The following C11orf65 variants were observed in gnomAD, a reference collection of about 807,000 sequenced individuals.
The protein encoded by C11orf65 is protein MFI.
A neutral mutation model predicts 35.3 loss-of-function variants in C11orf65; 38 were observed. The ratio of observed to expected loss-of-function variants is 1.08; its 90% CI spans 0.83 to 1.41. The LOEUF (loss-of-function observed/expected upper bound fraction) is 1.41, where lower values mean the gene tolerates loss of function less well. C11orf65 is among the 40% of genes most tolerant of loss of function. The probability of loss-of-function intolerance (pLI) is 0.00; values close to 1 mark genes in which losing one functional copy is unlikely to be tolerated. For missense variants in C11orf65, 370 were observed against 367.1 expected (o/e 1.01, Z -0.06); for synonymous variants, 105 against 114.4 (o/e 0.92, Z 0.53).
Position 108,398,124 on chromosome 11 carries a change from A to T in C11orf65, c.561-4746T>A, listed in dbSNP as rs185835121. 8.5e-5 allele frequency among the ~76,000 whole-genome samples: 13 copies of T among 152,066 alleles called. No homozygotes were observed. In the East Asian group the frequency reaches 2.5e-3, roughly 29 times the overall value. On this transcript the variant is annotated intron_variant, in intron 6 of 8. Coordinates refer to ENST00000393084, the MANE Select transcript of C11orf65 (RefSeq NM_152587.5). ...GAGGTGTAGGTAACGGGGAGCCCTT[A>T]ACATATTTTAAGTAAAGAAATTATT...
chr11:108,451,094 G>C (rs2093341795), intron 2 of C11orf65, among the ~76,000 whole-genome samples: 1 of 151,892 alleles, frequency 6.6e-6, no homozygotes, highest in Non-Finnish European at 1.5e-5. Context: ...TTGAAAACTG[G>C]CACAAGACAG....
chr11:108,455,451 G>A (rs1249541678), intron 2 of C11orf65, among the ~76,000 whole-genome samples: 1 of 152,060 alleles, frequency 6.6e-6, no homozygotes, highest in Non-Finnish European at 1.5e-5. Context: ...AAGATAGAAA[G>A]TTCACAAAGG....
intron 6 of C11orf65, among the ~76,000 whole-genome samples, chr11:108,311,138 T>A (rs1461569440): frequency 1.3e-5 from 2 of 152,056 alleles, no homozygotes; most frequent in African/African-American, 4.8e-5. Flanking sequence ...AACTCATTTT[T>A]TTTAATTTTT....
At chr11:108,352,646 C>A (rs928760894) in intron 2 of C11orf65, among the ~76,000 whole-genome samples, 1 of 152,202 alleles carries the variant, frequency 6.6e-6, no homozygotes, top group African/African-American at 2.4e-5. Flanking sequence ...TAGCCAAGAA[C>A]CGGAAAAATC....
intron 6 of C11orf65, 146 bp downstream of exon 6, chr11:108,405,283 C>A (rs997140190): frequency 1.3e-5 from 9 of 706,760 alleles, no homozygotes; most frequent in Middle Eastern, 3.9e-4. Flanking sequence ...TGTCAGTGTG[C>A]GTTTTATTCA....
At chr11:108,318,781 C>T (rs1292003109) in intron 6 of C11orf65, among the ~76,000 whole-genome samples, 1 of 151,994 alleles carries the variant, frequency 6.6e-6, no homozygotes. Flanking sequence ...AAGCCAAGCA[C>T]CTAATCTAAT....
intron 2 of C11orf65, chr11:108,355,332 C>T (rs2089766440): frequency 5.1e-6 from 1 of 195,512 alleles, no homozygotes; most frequent in African/African-American, 2.4e-5. Flanking sequence ...TAGTTTACTG[C>T]TGGTGCTACC....
At chr11:108,442,629 A>G (rs971493813) in intron 2 of C11orf65, among the ~76,000 whole-genome samples, 6 of 152,198 alleles carry the variant, frequency 3.9e-5, no homozygotes, top group Non-Finnish European at 7.3e-5. Context: ...CGGATCTCTC[A>G]GCAGAAACTC....
rs1591128179 is a variant in C11orf65, at chr11:108,325,301, G to A, written c.641-16230C>T. The A allele has an allele frequency of 7.2e-7, 1 of 1,397,078 alleles. No homozygotes were observed. Among genetic ancestry groups the A allele is most frequent in the Non-Finnish European group, 1.0e-6 (1 of 996,496 alleles). 86.5% of individuals were successfully genotyped at this position (1,397,078 alleles called of 1,614,324 possible). A position where few individuals can be genotyped will look rare whatever the true frequency, so the allele number is the denominator to read the frequency against. On this transcript the variant is annotated intron_variant, in intron 6 of 6. Transcript: ENST00000525729. ...CTTGCTTACATGAACTCTATGTCGTGGCATTCAGATCAGTCACACATAGAC... is the reference window on the plus strand; with the variant it reads ...CTTGCTTACATGAACTCTATGTCGTAGCATTCAGATCAGTCACACATAGAC...
intron 2 of C11orf65, among the ~76,000 whole-genome samples, chr11:108,358,963 T>A (rs1470047115): frequency 2.0e-5 from 3 of 151,730 alleles, no homozygotes; most frequent in African/African-American, 4.8e-5. Flanking sequence ...TTTAAATGTA[T>A]ATGGACTAAA....
chr11:108,460,190 T>C (rs776292960), intron 2 of C11orf65, among the ~76,000 whole-genome samples: 2 of 152,168 alleles, frequency 1.3e-5, no homozygotes, highest in Non-Finnish European at 1.5e-5. Flanking sequence ...AGGCAAATAA[T>C]GAAGCAACTT....
At chr11:108,432,231 A>C (rs562978412) in intron 2 of C11orf65, among the ~76,000 whole-genome samples, 1 of 152,334 alleles carries the variant, frequency 6.6e-6, no homozygotes, top group Admixed American at 6.5e-5. Flanking sequence ...GACTGTCGAC[A>C]AGTTGCTTAA....
chr11:108,335,058 A>G lies in C11orf65; in HGVS notation c.299+162T>C, dbSNP rs778601472. Reference sequence around the variant, plus strand: ...TAGCAGGAGGTGTAAATTTACCAAAAATAATAGATTGTGTAGGTTCCGATG... The same window carrying G: ...TAGCAGGAGGTGTAAATTTACCAAAGATAATAGATTGTGTAGGTTCCGATG... On this transcript the variant is annotated intron_variant, in intron 3 of 3. Coordinates refer to the C11orf65 transcript ENST00000524755. 42 of 1,613,992 alleles carry G rather than the reference A, an allele frequency of 2.6e-5. No individual in the cohort carries two copies. The Admixed American group carries it at 6.8e-4, about 26-fold the overall frequency.
intron 2 of C11orf65, chr11:108,335,358 G>GT: frequency 8.3e-7 from 1 of 1,211,502 alleles, no homozygotes; most frequent in East Asian, 3.1e-5. Context: ...GTACAGACAT[G>GT]TACAGTGAGG....
rs553984330 is a variant in C11orf65 at position 108,435,630 on chromosome 11, G to A, written c.82-3792C>T. Among the ~76,000 whole-genome samples the A allele has an allele frequency of 5.3e-5, 8 of 152,216 alleles. No individual in the cohort carries two copies. In the South Asian group the frequency reaches 1.7e-3, roughly 32 times the overall value. The stretch of plus-strand genomic sequence containing the variant: ...GCTTGCTGAAAAAAAGAGAGAATAT[G>A]AAATAGCTAGTGGAAGAAAAAAGTT... On this transcript the variant is annotated intron_variant, in intron 2 of 8. Coordinates refer to ENST00000393084, the MANE Select transcript of C11orf65 (RefSeq NM_152587.5).
intron 2 of C11orf65, among the ~76,000 whole-genome samples, chr11:108,371,321 C>A: frequency 6.6e-6 from 1 of 152,142 alleles, no homozygotes; most frequent in Non-Finnish European, 1.5e-5. Context: ...GGTGTGCAAC[C>A]AACCTCCAGC....
At chr11:108,468,483 G>A (rs2093560177), upstream of C11orf65, among the ~76,000 whole-genome samples, 2 of 152,116 alleles carry the variant, frequency 1.3e-5, no homozygotes, top group African/African-American at 4.8e-5. Flanking sequence ...TGCTATGTTC[G>A]TCCTATGTTC....
Position 108,405,544 on chromosome 11 carries a change from C to T in C11orf65, c.445G>A (p.Asp149Asn), listed in dbSNP as rs1565654865. The T allele has an allele frequency of 1.9e-6, 3 of 1,612,976 alleles. No individual in the cohort carries two copies. The South Asian group carries it at 3.3e-5, about 18-fold the overall frequency. ...PVSDTFWLSTDGMVVEDKKES... is the reference protein window; with the variant it reads ...PVSDTFWLSTNGMVVEDKKES... ...TTTTTGTCTTCCACCACCATACCAT[C>T]AGTAGATAGCCAAAACTATTGAGAA... Residue 149 changes from aspartate (D) to asparagine (N), a missense_variant, in exon 6 of 9, where the codon GAT becomes AAT. Asp to Asn is a conservative substitution (Grantham distance 23). Coordinates refer to ENST00000393084, the MANE Select transcript of C11orf65 (RefSeq NM_152587.5).
intron 6 of C11orf65, among the ~76,000 whole-genome samples, chr11:108,400,792 C>A (rs2092425063): frequency 6.6e-6 from 1 of 152,132 alleles, no homozygotes; most frequent in Non-Finnish European, 1.5e-5. Flanking sequence ...AGGACAGCCA[C>A]CACAGAGTTC....
Sources: gnomAD v4.1 joint callset for allele counts (sites outside exome capture counted in the v4.1 genomes callset) on GRCh38, gnomAD v4.1.1 for gene constraint, MANE v1.5 for transcripts, NCBI Gene and HGNC (gene_info 2026-07-23, HGNC 2026-07-21) for gene names.